Variants in MGAT5 observed in about 807,000 individuals in gnomAD.
The protein encoded by MGAT5 is alpha-1,6-mannosylglycoprotein 6-beta-N-acetylglucosaminyltransferase A.
MGAT5 carries 30 observed loss-of-function variants against 94.3 expected under a neutral mutation model. The observed-to-expected ratio is 0.32, with a 90% CI of 0.24 to 0.43. The LOEUF (loss-of-function observed/expected upper bound fraction) is 0.43, where lower values mean the gene tolerates loss of function less well. MGAT5 is among the 20% of genes least tolerant of loss of function. MGAT5 has a pLI of 1.00. For synonymous variants in MGAT5, 310 were observed against 322.9 expected (o/e 0.96, Z 0.43); for missense variants, 691 against 905.5 (o/e 0.76, Z 3.04).
intron 9 of MGAT5, among the ~76,000 whole-genome samples, chr2:134,355,519 C>T (rs1024414032): frequency 1.1e-4 from 17 of 152,250 alleles, no homozygotes; most frequent in African/African-American, 2.4e-4. Context: ...CTTATATTTA[C>T]GTATTATTTA....
Position 134,324,570 on chromosome 2 carries a change from C to T in MGAT5, c.573+5831C>T, listed in dbSNP as rs552910766. Reference sequence around the variant, plus strand: ...TTGAAAGCTTAAATGTTTGTGAATGCGAGCATGAAATGAAATCCTAATAAC... The same window carrying T: ...TTGAAAGCTTAAATGTTTGTGAATGTGAGCATGAAATGAAATCCTAATAAC... On this transcript the variant is annotated intron_variant, in intron 4 of 15. Coordinates refer to ENST00000281923, the MANE Select transcript of MGAT5 (RefSeq NM_002410.5). 1.7e-4 allele frequency among the ~76,000 whole-genome samples: 26 copies of T among 152,158 alleles called. No individual in the cohort carries two copies. In the South Asian group the frequency reaches 2.3e-3, roughly 13 times the overall value.
intron 1 of MGAT5, among the ~76,000 whole-genome samples, chr2:134,259,445 A>G (rs1010248667): frequency 1.3e-5 from 2 of 152,138 alleles, no homozygotes; most frequent in African/African-American, 4.8e-5. Flanking sequence ...TGTGTTCTCT[A>G]ATGAACAGTA....
At chr2:134,390,402 G>C (rs534568502) in intron 10 of MGAT5, among the ~76,000 whole-genome samples, 1 of 152,246 alleles carries the variant, frequency 6.6e-6, no homozygotes, top group South Asian at 2.1e-4. Context: ...TGTGCACAAC[G>C]TGCAGGTTTG....
intron 1 of MGAT5, among the ~76,000 whole-genome samples, chr2:134,153,414 T>A (rs950976522): frequency 2.6e-5 from 4 of 152,222 alleles, no homozygotes; most frequent in African/African-American, 9.6e-5. Context: ...CCTGACTAAC[T>A]GTTTTAATCC....
chr2:134,173,385 G>T (rs1179816743), intron 1 of MGAT5, among the ~76,000 whole-genome samples: 1 of 152,170 alleles, frequency 6.6e-6, no homozygotes, highest in Non-Finnish European at 1.5e-5. Flanking sequence ...ACTGGGGAGG[G>T]TGGAGCTGGG....
At chr2:134,131,457 A>G (rs577731396) in intron 1 of MGAT5, among the ~76,000 whole-genome samples, 49 of 152,330 alleles carry the variant, frequency 3.2e-4, no homozygotes, top group Admixed American at 7.2e-4. Context: ...CTTACAAGCG[A>G]TAAGGCAAAA....
intron 2 of MGAT5, among the ~76,000 whole-genome samples, chr2:134,273,140 G>C (rs1684141835): frequency 6.6e-6 from 1 of 151,740 alleles, no homozygotes; most frequent in Non-Finnish European, 1.5e-5. Context: ...GTGGGGGGGG[G>C]TCCTTTATAT....
chr2:134,168,463 A>T (rs1042647306), intron 1 of MGAT5, among the ~76,000 whole-genome samples: 4 of 152,206 alleles, frequency 2.6e-5, no homozygotes. Flanking sequence ...GAGTTGAGTG[A>T]ATCTAAACCT....
At chr2:134,227,225 A>G (rs572748352) in intron 1 of MGAT5, among the ~76,000 whole-genome samples, 3 of 152,166 alleles carry the variant, frequency 2.0e-5, no homozygotes, top group Non-Finnish European at 4.4e-5. Context: ...TCTGTATTTC[A>G]GGGCTTTGCC....
At chr2:134,138,564 G>T (rs1419789119) in intron 1 of MGAT5, among the ~76,000 whole-genome samples, 6 of 152,166 alleles carry the variant, frequency 3.9e-5, no homozygotes, top group Non-Finnish European at 8.8e-5. Flanking sequence ...AAAAGGTGAG[G>T]ACCTCACACA....
Position 134,167,689 on chromosome 2 carries a change from T to C in MGAT5, c.-143+47398T>C, listed in dbSNP as rs535332509. ...CAATACCAAATTTCATTTGTTATGGTGTGCAAGTCTTGTAAAGGGAATCTG... is the reference window on the plus strand; with the variant it reads ...CAATACCAAATTTCATTTGTTATGGCGTGCAAGTCTTGTAAAGGGAATCTG... On this transcript the variant is annotated intron_variant, in intron 1 of 16. Transcript: ENST00000409645. 6.6e-5 allele frequency among the ~76,000 whole-genome samples: 10 copies of C among 152,330 alleles called. No individual in the cohort carries two copies. The East Asian group carries it at 1.9e-3, about 29-fold the overall frequency.
chr2:134,383,654 C>T (rs186469718), intron 10 of MGAT5, among the ~76,000 whole-genome samples: 25 of 152,098 alleles, frequency 1.6e-4, no homozygotes, highest in Admixed American at 3.3e-4. Context: ...CAGTAGTTCA[C>T]AAACTGCAGC....
In MGAT5 at chr2:134,246,632, G is replaced by A. The variant is rs558065214; in HGVS notation, c.-142-7630G>A. 4.6e-5 allele frequency among the ~76,000 whole-genome samples: 7 copies of A among 152,244 alleles called. No individual in the cohort carries two copies. The East Asian group carries it at 1.2e-3, about 25-fold the overall frequency. Reference sequence around the variant, plus strand: ...TGGTGGGACATTGCATTAGACTCACGGCTTCTTAATAGTACTGGACTTTGG... The same window carrying A: ...TGGTGGGACATTGCATTAGACTCACAGCTTCTTAATAGTACTGGACTTTGG... On this transcript the variant is annotated intron_variant, in intron 1 of 16. Transcript: ENST00000409645.
intron 1 of MGAT5, among the ~76,000 whole-genome samples, chr2:134,121,585 C>CG (rs150103403): frequency 6.6e-6 from 1 of 151,994 alleles, no homozygotes; most frequent in African/African-American, 2.4e-5. Flanking sequence ...GGCCTGGCCC[C>CG]GGGCGGCCGC....
chr2:134,336,395 A>G, intron 5 of MGAT5, 107 bp downstream of exon 5: 1 of 871,914 alleles, frequency 1.1e-6, no homozygotes, highest in Non-Finnish European at 1.8e-6. Flanking sequence ...AAATAGTGTT[A>G]CACTGAAAAA....
chr2:134,187,962 A>G (rs1234140744), intron 1 of MGAT5, among the ~76,000 whole-genome samples: 1 of 152,246 alleles, frequency 6.6e-6, no homozygotes, highest in Non-Finnish European at 1.5e-5. Context: ...GCCTGTGGTG[A>G]AAGAGACGGT....
chr2:134,424,432 C>A (rs1684466062), intron 13 of MGAT5, among the ~76,000 whole-genome samples: 1 of 152,162 alleles, frequency 6.6e-6, no homozygotes, highest in Non-Finnish European at 1.5e-5. Flanking sequence ...TACATACAAT[C>A]CCAATCCCAG....
chr2:134,302,793 C>G (rs1361507562), intron 2 of MGAT5, among the ~76,000 whole-genome samples: 1 of 147,598 alleles, frequency 6.8e-6, no homozygotes, highest in Non-Finnish European at 1.5e-5. Flanking sequence ...CTTCTTCTGA[C>G]GAGATGTCAG....
chr2:134,251,030 GTTTC>G (rs1682556888), upstream of MGAT5, among the ~76,000 whole-genome samples: 1 of 152,140 alleles, frequency 6.6e-6, no homozygotes, highest in African/African-American at 2.4e-5. Flanking sequence ...GTAGAGTGGG[GTTTC>G]CTGTCTGAAA....
Sources: gnomAD v4.1 joint callset for allele counts (sites outside exome capture counted in the v4.1 genomes callset) on GRCh38, gnomAD v4.1.1 for gene constraint, MANE v1.5 for transcripts, NCBI Gene and HGNC (gene_info 2026-07-23, HGNC 2026-07-21) for gene names.